The following BMERB1 variants were observed in gnomAD, a reference collection of about 807,000 sequenced individuals.
BMERB1 encodes bMERB domain-containing protein 1.
In BMERB1, 12 loss-of-function variants were observed where a neutral mutation model predicts 23.6. That is an observed-to-expected ratio of 0.51 (90% CI 0.33 to 0.82). The LOEUF is 0.82. BMERB1 is among the 40% of genes least tolerant of loss of function. The pLI is 0.03. For synonymous variants in BMERB1, 122 were observed against 96.6 expected (o/e 1.26, Z -1.54); for missense variants, 247 against 255.4 (o/e 0.97, Z 0.22).
At chr16:15,549,967 T>G (rs2030037451) in intron 2 of BMERB1, among the ~76,000 whole-genome samples, 1 of 152,150 alleles carries the variant, frequency 6.6e-6, no homozygotes, top group African/African-American at 2.4e-5. Context: ...TTTTTTTTTT[T>G]GAGATGCAGT....
chr16:15,466,382 C>CT (rs1246965726), intron 1 of BMERB1, among the ~76,000 whole-genome samples: 1 of 152,062 alleles, frequency 6.6e-6, no homozygotes, highest in Non-Finnish European at 1.5e-5. Context: ...GGAATTTCCT[C>CT]TTCTGTGAAT....
At chr16:15,531,746 C>T (rs767671596) in intron 2 of BMERB1, among the ~76,000 whole-genome samples, 3 of 152,156 alleles carry the variant, frequency 2.0e-5, no homozygotes, top group Non-Finnish European at 4.4e-5. Flanking sequence ...TTTCCATTCC[C>T]TTTGCTTATT....
At chr16:15,488,043 C>T (rs2051382586) in intron 1 of BMERB1, among the ~76,000 whole-genome samples, 1 of 152,224 alleles carries the variant, frequency 6.6e-6, no homozygotes, top group Non-Finnish European at 1.5e-5. Context: ...TGCCTAACCT[C>T]CTGGGAATGC....
intron 1 of BMERB1, among the ~76,000 whole-genome samples, chr16:15,458,518 G>A (rs979879286): frequency 7.9e-5 from 12 of 151,658 alleles, no homozygotes; most frequent in Non-Finnish European, 1.6e-4. Flanking sequence ...AGTTTGAGAC[G>A]AGCCTGGGCA....
chr16:15,473,917 A>T (rs996703047), intron 1 of BMERB1, among the ~76,000 whole-genome samples: 2 of 151,938 alleles, frequency 1.3e-5, no homozygotes, highest in African/African-American at 4.8e-5. Flanking sequence ...CAGGAGATCG[A>T]GACCATCCTG....
At chr16:15,582,541 C>A (rs1295974504) in intron 4 of BMERB1, among the ~76,000 whole-genome samples, 2 of 152,074 alleles carry the variant, frequency 1.3e-5, no homozygotes, top group Non-Finnish European at 2.9e-5. Context: ...ATAGTGAGAC[C>A]CCCCTATCTC....
At chr16:15,442,753 A>G (rs2050951067) in intron 1 of BMERB1, among the ~76,000 whole-genome samples, 1 of 152,188 alleles carries the variant, frequency 6.6e-6, no homozygotes, top group South Asian at 2.1e-4. Context: ...GGGTTAAGAA[A>G]CTTGCTGAAA....
chr16:15,476,347 G>T (rs1338986117), intron 1 of BMERB1, among the ~76,000 whole-genome samples: 1 of 152,108 alleles, frequency 6.6e-6, no homozygotes, highest in Non-Finnish European at 1.5e-5. Context: ...AGTTTCAGTA[G>T]AGACAGGGTT....
chr16:15,579,294 G>A (rs1415753733), intron 3 of BMERB1, among the ~76,000 whole-genome samples: 4 of 152,078 alleles, frequency 2.6e-5, no homozygotes, highest in East Asian at 1.9e-4. Context: ...GCGGCTCTGC[G>A]GTGCTGACGA....
intron 3 of BMERB1, chr16:15,577,069 TC>T (rs1417387802): frequency 2.0e-5 from 3 of 152,176 alleles, no homozygotes. Context: ...CCCACCCTAA[TC>T]TTATCATGCA....
intron 1 of BMERB1, among the ~76,000 whole-genome samples, chr16:15,461,916 A>C (rs1226382757): frequency 6.6e-6 from 1 of 152,046 alleles, no homozygotes; most frequent in East Asian, 1.9e-4. Context: ...CCTGGGTAAC[A>C]GGAAGACCCT....
chr16:15,556,746 C>A (rs1023462421), intron 2 of BMERB1, among the ~76,000 whole-genome samples: 11 of 152,040 alleles, frequency 7.2e-5, no homozygotes, highest in Admixed American at 7.2e-4. Flanking sequence ...CCACCACGCC[C>A]AGCTAATTTT....
chr16:15,534,303 A>G (rs12933779), intron 2 of BMERB1, among the ~76,000 whole-genome samples: 3,414 of 116,842 alleles, frequency 0.029, 247 homozygotes, highest in African/African-American at 0.099. Context: ...AAAAAAAAAA[A>G]AAAAAAAAAA....
chr16:15,500,290 G>A (rs563088987), intron 1 of BMERB1, among the ~76,000 whole-genome samples: 8 of 152,256 alleles, frequency 5.3e-5, no homozygotes, highest in East Asian at 1.9e-4. Flanking sequence ...GGCCTGCACC[G>A]CACACACTCC....
At chr16:15,470,979 G>A (rs2051224689) in intron 1 of BMERB1, among the ~76,000 whole-genome samples, 1 of 151,238 alleles carries the variant, frequency 6.6e-6, no homozygotes, top group African/African-American at 2.4e-5. Context: ...TGGGACTACA[G>A]GCGCCTGCTG....
intron 1 of BMERB1, among the ~76,000 whole-genome samples, chr16:15,443,741 A>AACCC (rs1165968235): frequency 1.3e-5 from 2 of 152,060 alleles, no homozygotes; most frequent in East Asian, 3.9e-4. Flanking sequence ...AACATGGTGA[A>AACCC]ACCCTGTCTT....
intron 1 of BMERB1, among the ~76,000 whole-genome samples, chr16:15,449,527 G>A (rs759283877): frequency 1.8e-4 from 28 of 151,750 alleles, no homozygotes; most frequent in Non-Finnish European, 3.7e-4. Flanking sequence ...AATAAAAGTT[G>A]AATTTTTTTT....
chr16:15,581,447 G>C, intron 4 of BMERB1, 116 bp downstream of exon 4: 1 of 760,554 alleles, frequency 1.3e-6, no homozygotes, highest in Non-Finnish European at 2.1e-6. Flanking sequence ...GCATGGCCTT[G>C]ATCCACAGTC....
At chr16:15,525,738 G>GA (rs1307518644) in intron 2 of BMERB1, among the ~76,000 whole-genome samples, 1 of 151,602 alleles carries the variant, frequency 6.6e-6, no homozygotes, top group Non-Finnish European at 1.5e-5. Flanking sequence ...AAAGAATAAA[G>GA]AAAAAACAAA....
Sources: gnomAD v4.1 joint callset for allele counts (sites outside exome capture counted in the v4.1 genomes callset) on GRCh38, gnomAD v4.1.1 for gene constraint, MANE v1.5 for transcripts, NCBI Gene and HGNC (gene_info 2026-07-23, HGNC 2026-07-21) for gene names.